Variants in NRXN1 observed in about 807,000 individuals in gnomAD.
The protein encoded by NRXN1 is neurexin 1, also known as neurexin-1.
NRXN1 carries 39 observed loss-of-function variants against 150.9 expected under a neutral mutation model. That is an observed-to-expected ratio of 0.26 (90% CI 0.20 to 0.34). The LOEUF (loss-of-function observed/expected upper bound fraction) is 0.34. NRXN1 is among the 10% of genes least tolerant of loss of function. The pLI, the probability that NRXN1 is intolerant of heterozygous loss-of-function variation, is 1.00. For synonymous variants in NRXN1, 924 were observed against 757.0 expected (o/e 1.22, Z -3.62); for missense variants, 1,815 against 1,949.9 (o/e 0.93, Z 1.30).
chr2:49,945,712 T>C (rs1672771695), intron 21 of NRXN1, among the ~76,000 whole-genome samples: 1 of 152,174 alleles, frequency 6.6e-6, no homozygotes, highest in Non-Finnish European at 1.5e-5. Context: ...ACAAGGGACA[T>C]GAACTCATCC....
intron 2 of NRXN1, among the ~76,000 whole-genome samples, chr2:51,016,080 C>A (rs1668621446): frequency 6.6e-6 from 1 of 152,026 alleles, no homozygotes; most frequent in Non-Finnish European, 1.5e-5. Flanking sequence ...ACATCTACAA[C>A]CATCTGATCT....
At chr2:50,036,506 A>G (rs578195379) in intron 21 of NRXN1, among the ~76,000 whole-genome samples, 2 of 152,298 alleles carry the variant, frequency 1.3e-5, no homozygotes, top group African/African-American at 2.4e-5. Context: ...ACAAATCTGT[A>G]TACACATTTG....
chr2:50,578,635 A>G (rs1433250012), intron 8 of NRXN1, among the ~76,000 whole-genome samples: 1 of 152,046 alleles, frequency 6.6e-6, no homozygotes, highest in Non-Finnish European at 1.5e-5. Flanking sequence ...ATTTAATTTC[A>G]TATCATTTTA....
At position 50,727,458 on chromosome 2, in the gene NRXN1, A is replaced by AT. The variant is rs1554020029; in HGVS notation, c.833-103844_833-103843insA. 1.3e-3 allele frequency among the ~76,000 whole-genome samples: 7 copies of AT among 5,462 alleles called. No homozygotes were observed. The African/African-American group carries it at 0.042, about 33-fold the overall frequency. The allele number at this position is 5,462 out of a possible 152,430, so 3.6% of individuals were successfully genotyped here. On this transcript the variant is annotated intron_variant, in intron 5 of 22. Transcript: ENST00000401669. Reference sequence around the variant, plus strand: ...AAAATGCATCATTACACACACACACACCTACACATCCTTCCGTATGGCTAA... The same window carrying AT: ...AAAATGCATCATTACACACACACACATCCTACACATCCTTCCGTATGGCTAA...
chr2:50,946,171 A>C (rs576665697), intron 2 of NRXN1, among the ~76,000 whole-genome samples: 2 of 152,098 alleles, frequency 1.3e-5, no homozygotes, highest in Non-Finnish European at 2.9e-5. Context: ...TACACTAGTC[A>C]TGAGAGATGT....
chr2:50,520,749 G>A (rs2092764697), intron 12 of NRXN1, among the ~76,000 whole-genome samples: 9 of 151,808 alleles, frequency 5.9e-5, no homozygotes. Context: ...ATTTTATGGG[G>A]TTTCTACAAT....
intron 2 of NRXN1, among the ~76,000 whole-genome samples, chr2:51,011,671 A>G (rs1182191877): frequency 6.6e-6 from 1 of 152,038 alleles, no homozygotes; most frequent in East Asian, 1.9e-4. Context: ...TTAGATCACA[A>G]AGTTTCTGTT....
At chr2:50,508,628 T>A (rs1445751886) in intron 12 of NRXN1, among the ~76,000 whole-genome samples, 3 of 152,246 alleles carry the variant, frequency 2.0e-5, no homozygotes, top group South Asian at 2.1e-4. Flanking sequence ...TTTTCTTTTT[T>A]AAATATATTT....
chr2:50,879,269 C>A (rs1029243226), intron 5 of NRXN1, among the ~76,000 whole-genome samples: 16 of 151,890 alleles, frequency 1.1e-4, no homozygotes, highest in African/African-American at 3.9e-4. Context: ...CTCCAGCCTG[C>A]CATTTGCCCA....
intron 18 of NRXN1, among the ~76,000 whole-genome samples, chr2:50,232,524 C>G (rs2065042739): frequency 6.6e-6 from 1 of 151,116 alleles, no homozygotes; most frequent in Non-Finnish European, 1.5e-5. Flanking sequence ...GTAGCTGGGA[C>G]TACAGGCATG....
chr2:49,932,797 T>G (rs1321478048), intron 22 of NRXN1, among the ~76,000 whole-genome samples: 1 of 152,208 alleles, frequency 6.6e-6, no homozygotes, highest in Non-Finnish European at 1.5e-5. Context: ...GTGCTATACA[T>G]TTTACACATA....
chr2:50,946,038 C>T (rs1473767122), intron 2 of NRXN1, among the ~76,000 whole-genome samples: 3 of 151,578 alleles, frequency 2.0e-5, no homozygotes, highest in Admixed American at 6.6e-5. Flanking sequence ...ATAGAGGATA[C>T]AAACTACACA....
intron 17 of NRXN1, among the ~76,000 whole-genome samples, chr2:50,278,781 G>A (rs2071012374): frequency 6.6e-6 from 1 of 152,102 alleles, no homozygotes; most frequent in Admixed American, 6.6e-5. Context: ...TGAACAGGCT[G>A]AGATAAGCAA....
chr2:50,149,993 C>T (rs1471360766), intron 18 of NRXN1, among the ~76,000 whole-genome samples: 1 of 151,768 alleles, frequency 6.6e-6, no homozygotes, highest in Non-Finnish European at 1.5e-5. Flanking sequence ...CAAACCACCC[C>T]TTGGGTTTAA....
chr2:50,348,181 T>C (rs1393144684), intron 17 of NRXN1, among the ~76,000 whole-genome samples: 1 of 152,224 alleles, frequency 6.6e-6, no homozygotes, highest in Non-Finnish European at 1.5e-5. Context: ...TACTCAAGCA[T>C]CAGTCGCGAT....
intron 17 of NRXN1, among the ~76,000 whole-genome samples, chr2:50,433,313 CAT>C (rs2085135736): frequency 6.6e-6 from 1 of 152,194 alleles, no homozygotes; most frequent in African/African-American, 2.4e-5. Flanking sequence ...TTCTGATTCA[CAT>C]GTCAATAAAC....
chr2:50,968,834 C>A (rs1308872199), intron 2 of NRXN1, among the ~76,000 whole-genome samples: 2 of 152,028 alleles, frequency 1.3e-5, no homozygotes, highest in African/African-American at 4.8e-5. Flanking sequence ...CAGTAATCTC[C>A]ATTTTGTCAA....
At chr2:49,943,384 A>T (rs1672343735) in intron 22 of NRXN1, among the ~76,000 whole-genome samples, 1 of 152,178 alleles carries the variant, frequency 6.6e-6, no homozygotes, top group Non-Finnish European at 1.5e-5. Flanking sequence ...ATTTTACTAT[A>T]AGTGACCCAA....
rs1046814182 is a variant in NRXN1 at position 50,947,453 on chromosome 2, ATG to A, written c.773-21500_773-21499del. 5.2e-4 allele frequency among the ~76,000 whole-genome samples: 47 copies of A among 90,632 alleles called. 1 individual carries two copies. The highest frequency in any genetic ancestry group is 2.8e-3 in the African/African-American group (44 of 15,520). The allele number at this position is 90,632 out of a possible 152,430, so 59.5% of individuals were successfully genotyped here. On this transcript the variant is annotated intron_variant, in intron 2 of 22. Transcript: ENST00000401669. ...TCAAAAGATCTGAAACAGTGATAATATGTTATTACAGTTATTCATTTCAATAT... is the reference window on the plus strand; with the variant it reads ...TCAAAAGATCTGAAACAGTGATAATATTATTACAGTTATTCATTTCAATAT...
Sources: allele counts gnomAD v4.1 joint callset (sites outside exome capture counted in the v4.1 genomes callset), GRCh38; gene constraint gnomAD v4.1.1; transcripts MANE v1.5; gene names NCBI Gene and HGNC (gene_info 2026-07-23, HGNC 2026-07-21).